ANKRD45: variants seen among roughly 807,000 people sequenced by gnomAD.
ANKRD45 encodes ankyrin repeat domain-containing protein 45.
Under a neutral mutation model 28.1 loss-of-function variants are expected in ANKRD45, and 21 were observed. The observed-to-expected ratio is 0.75, with a 90% confidence interval of 0.53 to 1.08. The LOEUF (loss-of-function observed/expected upper bound fraction) is 1.08, where lower values mean the gene tolerates loss of function less well. ANKRD45 is among the 50% of genes least tolerant of loss of function. ANKRD45 has a pLI of 0.00. For synonymous variants in ANKRD45, 86 were observed against 103.9 expected (o/e 0.83, Z 1.05); for missense variants, 261 against 308.7 (o/e 0.85, Z 1.16).
Position 173,624,744 on chromosome 1 carries a change from T to C in ANKRD45, c.730+43A>G, listed in dbSNP as rs1333723143. ...AAAATAACAACATTGAACTTAATTT[T>C]CATCCCTTCTGACATTCAAACCACC... On this transcript the variant is annotated intron_variant, in intron 5 of 5. Transcript: ENST00000333279. 4 of 1,573,336 alleles carry C rather than the reference T, an allele frequency of 2.5e-6. No individual in the cohort carries two copies. In the Admixed American group the frequency reaches 7.2e-5, roughly 28 times the overall value.
intron 5 of ANKRD45, among the ~76,000 whole-genome samples, chr1:173,615,843 C>A (rs1377868316): frequency 6.6e-6 from 1 of 152,172 alleles, no homozygotes; most frequent in Middle Eastern, 3.2e-3. Context: ...GTGGCTCACA[C>A]CTGTAATCCC....
At chr1:173,617,605 G>C (rs908685436) in intron 5 of ANKRD45, among the ~76,000 whole-genome samples, 3 of 152,242 alleles carry the variant, frequency 2.0e-5, no homozygotes, top group African/African-American at 7.2e-5. Context: ...CTCCAGCCAG[G>C]GTTATACAGA....
chr1:173,683,459 G>C, the ANKRD45 span, among the ~76,000 whole-genome samples: 1 of 151,898 alleles, frequency 6.6e-6, no homozygotes, highest in Non-Finnish European at 1.5e-5. Flanking sequence ...ACAACAAAAA[G>C]AGTTGTATAG....
intron 3 of ANKRD45, among the ~76,000 whole-genome samples, chr1:173,640,108 T>A (rs947130884): frequency 1.3e-5 from 2 of 152,216 alleles, no homozygotes; most frequent in African/African-American, 4.8e-5. Context: ...GACAGCTCCC[T>A]GAAAGGATAT....
the ANKRD45 span, among the ~76,000 whole-genome samples, chr1:173,707,243 C>A: frequency 7.3e-5 from 11 of 151,106 alleles, no homozygotes; most frequent in East Asian, 2.1e-3. Context: ...TTTTTTACTA[C>A]ATTTATCTTT....
chr1:173,688,081 G>A, the ANKRD45 span, among the ~76,000 whole-genome samples: 1 of 151,654 alleles, frequency 6.6e-6, no homozygotes, highest in South Asian at 2.1e-4. Flanking sequence ...GGCCATCTAC[G>A]GGTTATTGGG....
At chr1:173,702,517 A>C in the ANKRD45 span, among the ~76,000 whole-genome samples, 3 of 152,144 alleles carry the variant, frequency 2.0e-5, no homozygotes, top group Non-Finnish European at 4.4e-5. Context: ...TTTAGGGAGA[A>C]GGCAAAGGAA....
In ANKRD45 at chr1:173,659,337, G is replaced by A. The variant is rs1669683120; in HGVS notation, c.82C>T (p.Gln28Ter). Residue 28 changes from glutamine (Q) to a stop codon, truncating the protein, a stop_gained, in exon 2 of 6, where the codon CAA becomes TAA. Coordinates refer to ENST00000333279, the MANE Select transcript of ANKRD45 (RefSeq NM_198493.3). LOFTEE classifies it high-confidence loss of function. ...QEEENEEEEA[Q>*]EPEETGPKNP... ...TTAGGGCCTGTTTCCTCTGGTTCTT[G>A]GGCTTCTTCTTCTTCATTTTCCTCT... The A allele has an allele frequency of 1.2e-6, 2 of 1,612,240 alleles. No homozygotes were observed. Among genetic ancestry groups the A allele is most frequent in the African/African-American group, 1.3e-5 (1 of 74,720 alleles).
At chr1:173,695,287 G>C in the ANKRD45 span, among the ~76,000 whole-genome samples, 1 of 152,132 alleles carries the variant, frequency 6.6e-6, no homozygotes, top group Non-Finnish European at 1.5e-5. Context: ...TGGTGTATGA[G>C]TGATCCTGTC....
chr1:173,672,485 G>C (rs532810729), upstream of ANKRD45, among the ~76,000 whole-genome samples: 1 of 152,282 alleles, frequency 6.6e-6, no homozygotes, highest in East Asian at 1.9e-4. Flanking sequence ...TTAATCTTCA[G>C]GGGATATGAA....
intron 5 of ANKRD45, among the ~76,000 whole-genome samples, chr1:173,623,740 A>C (rs1667802701): frequency 6.6e-6 from 1 of 152,214 alleles, no homozygotes; most frequent in African/African-American, 2.4e-5. Flanking sequence ...CTGGGTAAAG[A>C]AAATGTGGAA....
chr1:173,609,399 G>A lies in ANKRD45; in HGVS notation c.*746C>T, dbSNP rs757712992. 9.2e-5 allele frequency among the ~76,000 whole-genome samples: 14 copies of A among 152,182 alleles called. No individual in the cohort carries two copies. Among genetic ancestry groups the A allele is most frequent in the Middle Eastern group, 3.4e-3 (1 of 294 alleles). ...TCACAACGTAAGAGAAGGTTGAGGC[G>A]CCTGATTAAATAAATTAGAAAAAAG... On this transcript the variant is annotated 3_prime_UTR_variant, in exon 6 of 6. Coordinates refer to ENST00000333279, the MANE Select transcript of ANKRD45 (RefSeq NM_198493.3).
rs1669860248 is a variant in ANKRD45, at chr1:173,663,153, C to T, written c.-15-3720G>A. ...TTCTAATAAAAGATATAGCTAACTTCCCACACCGGAAGACTAAGAAGCAGG... is the reference window on the plus strand; with the variant it reads ...TTCTAATAAAAGATATAGCTAACTTTCCACACCGGAAGACTAAGAAGCAGG... On this transcript the variant is annotated intron_variant, in intron 1 of 5. Transcript: ENST00000333279. Among the ~76,000 whole-genome samples the T allele has an allele frequency of 2.0e-5, 3 of 152,012 alleles. No homozygotes were observed. In the South Asian group the frequency reaches 6.2e-4, roughly 32 times the overall value.
intron 3 of ANKRD45, among the ~76,000 whole-genome samples, chr1:173,642,617 C>T (rs996457340): frequency 1.3e-5 from 2 of 152,234 alleles, no homozygotes; most frequent in Admixed American, 6.5e-5. Context: ...CTGTTCTTAG[C>T]TCCACATTTT....
At chr1:173,702,400 G>A in the ANKRD45 span, among the ~76,000 whole-genome samples, 6 of 152,074 alleles carry the variant, frequency 3.9e-5, no homozygotes, top group Admixed American at 3.3e-4. Context: ...CATCATATAG[G>A]GGGTAGCTAA....
chr1:173,653,288 G>A, intron 2 of ANKRD45, among the ~76,000 whole-genome samples: 1 of 152,124 alleles, frequency 6.6e-6, no homozygotes, highest in Admixed American at 6.6e-5. Flanking sequence ...AGAGATTCTG[G>A]TATGTTGTGT....
chr1:173,617,583 G>C (rs964845804), intron 5 of ANKRD45, among the ~76,000 whole-genome samples: 2 of 152,218 alleles, frequency 1.3e-5, no homozygotes, highest in Non-Finnish European at 2.9e-5. Context: ...CTCCCTGCAG[G>C]AATTACAGCA....
chr1:173,697,894 C>T, the ANKRD45 span, among the ~76,000 whole-genome samples: 3 of 151,844 alleles, frequency 2.0e-5, no homozygotes, highest in Non-Finnish European at 4.4e-5. Context: ...AGTCAAGACC[C>T]ATCAGTGTGC....
At chr1:173,689,441 C>T in the ANKRD45 span, among the ~76,000 whole-genome samples, 600 of 152,154 alleles carry the variant, frequency 3.9e-3, 15 homozygotes, top group Admixed American at 0.033. Flanking sequence ...TTTTCTTCAT[C>T]CCTTTTCATG....
Sources: gnomAD v4.1 joint callset for allele counts (sites outside exome capture counted in the v4.1 genomes callset) on GRCh38, gnomAD v4.1.1 for gene constraint, MANE v1.5 for transcripts, NCBI Gene and HGNC (gene_info 2026-07-23, HGNC 2026-07-21) for gene names.